BRD1: variants seen among roughly 807,000 people sequenced by gnomAD.
The protein encoded by BRD1 is bromodomain-containing protein 1.
In BRD1, 24 loss-of-function variants were observed where a neutral mutation model predicts 107.7. The ratio of observed to expected loss-of-function variants is 0.22; its 90% CI spans 0.16 to 0.31. The LOEUF (loss-of-function observed/expected upper bound fraction) is 0.31, where lower values mean the gene tolerates loss of function less well. Among genes scored for constraint, BRD1 ranks in the 10% least tolerant of loss-of-function variants. The probability of loss-of-function intolerance (pLI) is 1.00; values close to 1 mark genes in which losing one functional copy is unlikely to be tolerated. For synonymous variants in BRD1, 744 were observed against 686.1 expected (o/e 1.08, Z -1.32); for missense variants, 1,279 against 1,638.6 (o/e 0.78, Z 3.79).
intron 1 of BRD1, chr22:49,826,077 G>C (rs1409120937): frequency 2.7e-6 from 2 of 754,028 alleles, no homozygotes; most frequent in African/African-American, 3.8e-5. Context: ...CCTGCAGAGA[G>C]CGACCCTAGT....
chr22:49,784,943 C>T (rs1293358889), intron 8 of BRD1, among the ~76,000 whole-genome samples: 3 of 152,232 alleles, frequency 2.0e-5, no homozygotes, highest in Non-Finnish European at 4.4e-5. Context: ...CCACGGAAAT[C>T]CACTGTCACT....
chr22:49,777,709 A>C lies in BRD1; in HGVS notation c.2962T>G (p.Ser988Ala). Residue 988 changes from serine (S) to alanine (A), a missense_variant, in exon 9 of 13, where the codon TCC becomes GCC. By Grantham distance (99) the Ser-to-Ala change is moderately conservative. Coordinates refer to ENST00000404760, the MANE Select transcript of BRD1 (RefSeq NM_001304808.3). ...TCGCAGAGCGGGCTGTTGCTGGAGG[A>C]GATGCTGGACTCGGAGGCACAGCGT... is the stretch of plus-strand genomic sequence containing the variant. ...RRRCASESSI[S>A]SSNSPLCDSS... 6.2e-7 allele frequency: 1 copy of C among 1,608,556 alleles called. No individual in the cohort carries two copies. Among genetic ancestry groups the C allele is most frequent in the Non-Finnish European group, 8.5e-7 (1 of 1,178,522 alleles).
chr22:49,784,734 C>G (rs2059288986), intron 8 of BRD1, among the ~76,000 whole-genome samples: 1 of 152,264 alleles, frequency 6.6e-6, no homozygotes, highest in Admixed American at 6.5e-5. Flanking sequence ...AAGAAATCCC[C>G]CATGTGCAGA....
At chr22:49,819,995 T>C (rs1031504408) in intron 2 of BRD1, among the ~76,000 whole-genome samples, 2 of 151,686 alleles carry the variant, frequency 1.3e-5, no homozygotes, top group South Asian at 2.1e-4. Context: ...CCGGGTGTGG[T>C]GGCAGGTGCC....
chr22:49,801,632 C>T (rs1334344982), intron 3 of BRD1, among the ~76,000 whole-genome samples: 1 of 152,248 alleles, frequency 6.6e-6, no homozygotes, highest in Non-Finnish European at 1.5e-5. Context: ...TCTGCTCCTT[C>T]CCAGGTGACT....
rs2146882112 is a variant in BRD1 at position 49,773,493 on chromosome 22, A to G, written c.*740T>C. 6.5e-6 allele frequency: 1 copy of G among 152,752 alleles called. No homozygotes were observed. The highest frequency in any genetic ancestry group is 2.1e-4 in the South Asian group (1 of 4,828). The allele number at this position is 152,752 out of a possible 1,614,324, so 9.5% of individuals were successfully genotyped here. A position where few individuals can be genotyped will look rare whatever the true frequency, so the allele number is the denominator to read the frequency against. ...TTACAGAAAGCCCCTCATTGTAAAC[A>G]AAAGATTACAAGTTATAAAATCAAA... On this transcript the variant is annotated 3_prime_UTR_variant, in exon 13 of 13. Transcript: ENST00000404760.
At chr22:49,796,348 CCTCT>C (rs544357614) in intron 6 of BRD1, among the ~76,000 whole-genome samples, 12 of 144,842 alleles carry the variant, frequency 8.3e-5, no homozygotes, top group African/African-American at 1.6e-4. Context: ...CCCGCCTCGG[CCTCT>C]CTCTTTTTTC....
At chr22:49,781,103 A>G (rs773479484) in intron 8 of BRD1, among the ~76,000 whole-genome samples, 5 of 152,108 alleles carry the variant, frequency 3.3e-5, no homozygotes, top group Non-Finnish European at 5.9e-5. Context: ...TCAACACAGG[A>G]GCTGCACGGA....
chr22:49,782,382 G>T (rs72490251), intron 8 of BRD1, among the ~76,000 whole-genome samples: 3,337 of 150,826 alleles, frequency 0.022, 45 homozygotes, highest in South Asian at 0.072. Context: ...GACCCACTCC[G>T]CGACAATGCA....
At chr22:49,798,415 T>C (rs2059576486) in intron 5 of BRD1, 143 bp downstream of exon 5, 1 of 1,407,400 alleles carries the variant, frequency 7.1e-7, no homozygotes, top group African/African-American at 1.4e-5. Flanking sequence ...ACTTTTATAA[T>C]TTAAAAACAA....
rs115331102 is a variant in BRD1, at chr22:49,824,940, T to C, written c.-14-609A>G. 2.2e-3 allele frequency: 961 copies of C among 437,414 alleles called. 3 individuals are homozygous for C. Among genetic ancestry groups the C allele is most frequent in the African/African-American group, 0.018 (837 of 46,878 alleles). 27.1% of individuals were successfully genotyped at this position (437,414 alleles called of 1,614,324 possible). A position where few individuals can be genotyped will look rare whatever the true frequency, so the allele number is the denominator to read the frequency against. On this transcript the variant is annotated intron_variant, in intron 1 of 12. Transcript: ENST00000404760. This position sits in a 1 kb window ranked among gnomAD's most constrained non-coding sequence, Gnocchi z 5.9. Reference sequence around the variant, plus strand: ...CAGATCACAGCCTGTCCATCCTCTATAGACAGGCCCTCCACACGCACAACA... The same window carrying C: ...CAGATCACAGCCTGTCCATCCTCTACAGACAGGCCCTCCACACGCACAACA...
intron 6 of BRD1, 110 bp from the exon 7 acceptor site, chr22:49,794,404 G>T: frequency 7.0e-7 from 1 of 1,423,180 alleles, no homozygotes; most frequent in Non-Finnish European, 9.5e-7. Flanking sequence ...GAGAGTGGCT[G>T]TTAGCAACGA....
At chr22:49,789,819 G>A (rs1030028397) in intron 7 of BRD1, among the ~76,000 whole-genome samples, 1 of 152,184 alleles carries the variant, frequency 6.6e-6, no homozygotes, top group African/African-American at 2.4e-5. Context: ...CTGCCTTGCA[G>A]CAGGCCCTCC....
chr22:49,775,043 TGCCAGCGTGTC>T (rs1255889465), intron 12 of BRD1, among the ~76,000 whole-genome samples: 1 of 152,206 alleles, frequency 6.6e-6, no homozygotes, highest in African/African-American at 2.4e-5. Flanking sequence ...AGGCATGTGC[TGCCAGCGTGTC>T]CTGCACAGAG....
chr22:49,790,117 A>G (rs981347033), intron 7 of BRD1, among the ~76,000 whole-genome samples: 1 of 152,230 alleles, frequency 6.6e-6, no homozygotes, highest in Admixed American at 6.5e-5. Flanking sequence ...GGTCAGGAAC[A>G]GAGGTCGCTG....
chr22:49,782,175 A>G (rs1029158083), intron 8 of BRD1, among the ~76,000 whole-genome samples: 2 of 148,654 alleles, frequency 1.3e-5, no homozygotes, highest in Non-Finnish European at 3.0e-5. Flanking sequence ...CTCCGTGACA[A>G]TGCAGCCGGG....
chr22:49,788,969 C>T (rs1302121161), intron 7 of BRD1, among the ~76,000 whole-genome samples: 20 of 152,336 alleles, frequency 1.3e-4, no homozygotes, highest in Non-Finnish European at 2.5e-4. Context: ...TACAAAACTA[C>T]ACAACTTAAC....
chr22:49,787,319 C>A, intron 8 of BRD1, 71 bp downstream of exon 8: 7 of 1,312,512 alleles, frequency 5.3e-6, no homozygotes, highest in South Asian at 1.4e-5. Flanking sequence ...CCCCGTCACA[C>A]CAATGATCCT....
rs187072611 is a variant in BRD1 at position 49,808,763 on chromosome 22, G to A, written c.1368-4403C>T. 9.2e-5 allele frequency among the ~76,000 whole-genome samples: 14 copies of A among 152,294 alleles called. No homozygotes were observed. In the East Asian group the frequency reaches 2.7e-3, roughly 29 times the overall value. ...TAAATGGAATGTGCACCTTCCAAAT[G>A]AGTAGAGGAGGAAAAATGCCCCCGA... On this transcript the variant is annotated intron_variant, in intron 2 of 12. Coordinates refer to ENST00000404760, the MANE Select transcript of BRD1 (RefSeq NM_001304808.3).
Sources: allele counts gnomAD v4.1 joint callset (sites outside exome capture counted in the v4.1 genomes callset), GRCh38; gene constraint gnomAD v4.1.1; non-coding constraint Gnocchi (gnomAD v3.1); transcripts MANE v1.5; gene names NCBI Gene and HGNC (gene_info 2026-07-23, HGNC 2026-07-21).